The following SRFBP1 variants were observed in gnomAD, a reference collection of about 807,000 sequenced individuals.
The protein encoded by SRFBP1 is serum response factor-binding protein 1.
A neutral mutation model predicts 45.5 loss-of-function variants in SRFBP1; 47 were observed. The observed-to-expected ratio is 1.03, with a 90% CI of 0.82 to 1.32. The LOEUF (loss-of-function observed/expected upper bound fraction) is 1.32. Among genes scored for constraint, SRFBP1 ranks in the 40% most tolerant of loss-of-function variants. SRFBP1 has a pLI of 0.00. For missense variants in SRFBP1, 621 were observed against 484.6 expected (o/e 1.28, Z -2.64); for synonymous variants, 203 against 166.3 (o/e 1.22, Z -1.70).
intron 4 of SRFBP1, 45 bp downstream of exon 4, chr5:121,994,715 T>C (rs775084016): frequency 7.9e-7 from 1 of 1,263,378 alleles, no homozygotes. Flanking sequence ...AAGTTTCTCA[T>C]CTATATTGCT....
intron 5 of SRFBP1, 57 bp from the exon 6 acceptor site, chr5:122,020,031 C>T: frequency 1.6e-6 from 2 of 1,228,848 alleles, no homozygotes; most frequent in South Asian, 1.6e-5. Flanking sequence ...TGTCCTAAAA[C>T]AGTCATGTTT....
rs1334517473 is a variant in SRFBP1, at chr5:122,027,078, A to G, written c.1242A>G (p.Gln414=). ...WEASRRRKEQ[Q]SNIAVFQGKK... is the part of the protein sequence containing the mutation. ...CAAGCAGAAGGCGAAAAGAACAGCA[A>G]TCTAATATTGCTGTGTTTCAGGGGA... The change falls in exon 8 of 8, where the codon CAA becomes CAG. Residue 414 remains glutamine (Q), a synonymous_variant. Coordinates refer to ENST00000339397, the MANE Select transcript of SRFBP1 (RefSeq NM_152546.3). The G allele has an allele frequency of 4.3e-6, 7 of 1,612,726 alleles. No individual in the cohort carries two copies. Among genetic ancestry groups the G allele is most frequent in the Middle Eastern group, 1.6e-4 (1 of 6,080 alleles).
chr5:121,977,535 A>G (rs971703537), intron 3 of SRFBP1, among the ~76,000 whole-genome samples: 3 of 152,120 alleles, frequency 2.0e-5, no homozygotes, highest in African/African-American at 4.8e-5. Flanking sequence ...TTAAAAGGTC[A>G]TTTGTAATTT....
intron 3 of SRFBP1, among the ~76,000 whole-genome samples, chr5:121,981,945 A>G (rs182885687): frequency 9.2e-5 from 14 of 151,882 alleles, no homozygotes; most frequent in African/African-American, 3.4e-4. Context: ...TGGCTAGCTG[A>G]CTGAGTGACT....
chr5:122,074,483 G>T (rs755335311), intron 2 of SRFBP1, among the ~76,000 whole-genome samples: 13 of 152,140 alleles, frequency 8.5e-5, no homozygotes, highest in Non-Finnish European at 1.5e-4. Context: ...AGTGAAACTT[G>T]CCCTGTGTTC....
chr5:122,000,125 C>T (rs927243011), intron 4 of SRFBP1, among the ~76,000 whole-genome samples: 1 of 151,918 alleles, frequency 6.6e-6, no homozygotes, highest in East Asian at 1.9e-4. Context: ...CTCTACAGTT[C>T]ATAATATACA....
At chr5:121,998,952 T>G (rs1001345180) in intron 4 of SRFBP1, among the ~76,000 whole-genome samples, 1 of 152,144 alleles carries the variant, frequency 6.6e-6, no homozygotes, top group Non-Finnish European at 1.5e-5. Flanking sequence ...TGAGAACAGA[T>G]TTTGTATTAA....
intron 3 of SRFBP1, among the ~76,000 whole-genome samples, chr5:121,978,481 C>G (rs558263680): frequency 1.4e-4 from 22 of 151,978 alleles, no homozygotes; most frequent in Non-Finnish European, 3.1e-4. Flanking sequence ...ACACAGTAGC[C>G]TATATCTGTA....
At chr5:121,972,844 G>C (rs1194516173) in intron 1 of SRFBP1, among the ~76,000 whole-genome samples, 1 of 151,880 alleles carries the variant, frequency 6.6e-6, no homozygotes, top group Non-Finnish European at 1.5e-5. Flanking sequence ...GAAGTGGATG[G>C]CTGAGATAGA....
At chr5:121,966,946 ATTTTTTT>A (rs34687337) in intron 1 of SRFBP1, among the ~76,000 whole-genome samples, 64 of 114,668 alleles carry the variant, frequency 5.6e-4, no homozygotes, top group East Asian at 2.8e-3. Context: ...CGCCCAGCTA[ATTTTTTT>A]TTTTTTTTTT....
rs914189151 is a variant in SRFBP1 at position 121,972,326 on chromosome 5, T to C, written c.37-1870T>C. Among the ~76,000 whole-genome samples the C allele has an allele frequency of 4.0e-5, 6 of 151,798 alleles. No individual in the cohort carries two copies. In the East Asian group the frequency reaches 1.2e-3, roughly 29 times the overall value. On this transcript the variant is annotated intron_variant, in intron 1 of 7. Coordinates refer to ENST00000339397, the MANE Select transcript of SRFBP1 (RefSeq NM_152546.3). ...TTCATGGTAGTAGAAAAATGATGGT[T>C]CCCAACTGATAATTATTTTCTCCAC... is the stretch of plus-strand genomic sequence containing the variant.
At chr5:121,974,355 A>C in intron 2 of SRFBP1, 71 bp downstream of exon 2, 1 of 1,102,030 alleles carries the variant, frequency 9.1e-7, no homozygotes, top group Non-Finnish European at 1.4e-6. Flanking sequence ...ATACTTTAAA[A>C]TGTTTAGGGT....
intron 2 of SRFBP1, among the ~76,000 whole-genome samples, chr5:122,042,970 A>G (rs1379024865): frequency 6.6e-6 from 1 of 152,126 alleles, no homozygotes; most frequent in Non-Finnish European, 1.5e-5. Flanking sequence ...TATTTTAATT[A>G]CTATAGATTA....
chr5:122,076,422 C>G (rs1754635585), downstream of SRFBP1, among the ~76,000 whole-genome samples: 1 of 152,114 alleles, frequency 6.6e-6, no homozygotes, highest in South Asian at 2.1e-4. Context: ...TGAAGTAATA[C>G]CAAAACAACC....
chr5:121,984,842 G>T (rs915352450), intron 3 of SRFBP1, among the ~76,000 whole-genome samples: 1 of 151,770 alleles, frequency 6.6e-6, no homozygotes, highest in Non-Finnish European at 1.5e-5. Context: ...TCATTGTCCA[G>T]ATTGCATTGT....
intron 2 of SRFBP1, 62 bp from the exon 3 acceptor site, chr5:121,975,253 T>G: frequency 6.6e-7 from 1 of 1,507,938 alleles, no homozygotes; most frequent in African/African-American, 1.4e-5. Context: ...TGATTATCCA[T>G]TACACTATAA....
chr5:122,049,358 G>A (rs1013514755), intron 2 of SRFBP1, among the ~76,000 whole-genome samples: 2 of 152,116 alleles, frequency 1.3e-5, no homozygotes, highest in African/African-American at 2.4e-5. Context: ...CAATACAGGA[G>A]TACCCAGATT....
chr5:121,966,051 T>C (rs1362609222), intron 1 of SRFBP1, among the ~76,000 whole-genome samples: 3 of 152,246 alleles, frequency 2.0e-5, no homozygotes, highest in African/African-American at 7.2e-5. Flanking sequence ...CCTGAGACTT[T>C]GCTGAAATTG....
intron 4 of SRFBP1, among the ~76,000 whole-genome samples, chr5:122,014,961 A>G (rs908456109): frequency 2.0e-5 from 3 of 152,212 alleles, no homozygotes; most frequent in Admixed American, 1.3e-4. Flanking sequence ...ATTTTAATCA[A>G]AATCTGGTTA....
Sources: allele counts gnomAD v4.1 joint callset (sites outside exome capture counted in the v4.1 genomes callset), GRCh38; gene constraint gnomAD v4.1.1; transcripts MANE v1.5; gene names NCBI Gene and HGNC (gene_info 2026-07-23, HGNC 2026-07-21).